The following CSMD1 variants were observed in gnomAD, a reference collection of about 807,000 sequenced individuals.
The protein encoded by CSMD1 is CUB and sushi domain-containing protein 1.
In CSMD1, 213 loss-of-function variants were observed where a neutral mutation model predicts 417.5. That is an observed-to-expected ratio of 0.51 (90% CI 0.46 to 0.57). The LOEUF (loss-of-function observed/expected upper bound fraction) is 0.57. Among genes scored for constraint, CSMD1 ranks in the 20% least tolerant of loss-of-function variants. The probability of loss-of-function intolerance (pLI) is 0.00; values close to 1 mark genes in which losing one functional copy is unlikely to be tolerated. For synonymous variants in CSMD1, 2,862 were observed against 1,736.8 expected, an observed-to-expected ratio of 1.65 and a Z score of -16.11; for missense variants, 6,923 against 4,529.7, an observed-to-expected ratio of 1.53 and a Z score of -15.17.
At chr8:3,505,984 A>C (rs1305744323) in intron 10 of CSMD1, among the ~76,000 whole-genome samples, 1 of 152,220 alleles carries the variant, frequency 6.6e-6, no homozygotes, top group African/African-American at 2.4e-5. Context: ...TGAGTGGATA[A>C]AAATACACGT....
intron 25 of CSMD1, among the ~76,000 whole-genome samples, chr8:3,286,094 G>C (rs965150952): frequency 4.6e-5 from 7 of 152,030 alleles, no homozygotes; most frequent in African/African-American, 1.7e-4. Flanking sequence ...TTTTGTCCTT[G>C]AGATAGTTTG....
At chr8:4,376,702 C>A (rs1563109796) in intron 3 of CSMD1, among the ~76,000 whole-genome samples, 1 of 152,328 alleles carries the variant, frequency 6.6e-6, no homozygotes, top group South Asian at 2.1e-4. Context: ...ATTCTTTAAT[C>A]TTTGCAAACT....
intron 54 of CSMD1, among the ~76,000 whole-genome samples, chr8:2,980,013 C>T (rs1191270421): frequency 6.6e-6 from 1 of 152,130 alleles, no homozygotes; most frequent in Non-Finnish European, 1.5e-5. Flanking sequence ...TGGAAGACAC[C>T]CACATCGTCC....
At chr8:4,968,374 C>T (rs984608670) in intron 1 of CSMD1, among the ~76,000 whole-genome samples, 2 of 151,912 alleles carry the variant, frequency 1.3e-5, no homozygotes, top group Non-Finnish European at 2.9e-5. Context: ...TTTTTCCTTA[C>T]CCCCAACAGA....
chr8:3,989,334 C>A (rs1585088698), intron 5 of CSMD1, among the ~76,000 whole-genome samples: 1 of 152,308 alleles, frequency 6.6e-6, no homozygotes, highest in South Asian at 2.1e-4. Flanking sequence ...CTGAATCAGT[C>A]ATCTTGGCTT....
chr8:4,000,690 T>A (rs977524710), intron 4 of CSMD1, among the ~76,000 whole-genome samples: 1 of 151,954 alleles, frequency 6.6e-6, no homozygotes, highest in Non-Finnish European at 1.5e-5. Context: ...TATAAACATA[T>A]CACACACATT....
At chr8:2,992,485 G>A (rs928611195) in intron 54 of CSMD1, among the ~76,000 whole-genome samples, 22 of 151,760 alleles carry the variant, frequency 1.4e-4, no homozygotes, top group African/African-American at 3.6e-4. Context: ...GTGCAGTGGC[G>A]TGATCTTGGC....
chr8:3,051,042 T>C (rs1235468284), intron 50 of CSMD1, among the ~76,000 whole-genome samples: 2 of 152,204 alleles, frequency 1.3e-5, no homozygotes, highest in East Asian at 3.9e-4. Flanking sequence ...AGTGTGGTGA[T>C]TTCTCAAAGA....
intron 15 of CSMD1, among the ~76,000 whole-genome samples, chr8:3,405,010 C>G (rs1585114317): frequency 6.6e-6 from 1 of 151,998 alleles, no homozygotes; most frequent in Non-Finnish European, 1.5e-5. Flanking sequence ...ACTTATGACT[C>G]AAAGGACAAG....
chr8:4,449,314 A>G (rs1798993714), intron 2 of CSMD1, among the ~76,000 whole-genome samples: 1 of 152,168 alleles, frequency 6.6e-6, no homozygotes, highest in African/African-American at 2.4e-5. Flanking sequence ...AAAAGACTCA[A>G]ATGAGCATCT....
At chr8:3,865,890 T>G (rs1805062628) in intron 5 of CSMD1, among the ~76,000 whole-genome samples, 2 of 152,314 alleles carry the variant, frequency 1.3e-5, no homozygotes, top group African/African-American at 4.8e-5. Context: ...AATAGCAATA[T>G]TTACAAGTAA....
chr8:3,969,302 G>T (rs886593529), intron 5 of CSMD1, among the ~76,000 whole-genome samples: 3 of 152,094 alleles, frequency 2.0e-5, no homozygotes, highest in African/African-American at 7.2e-5. Context: ...AGGCTGGGTG[G>T]AGAAAGGGCT....
In CSMD1 at chr8:4,486,107, A is replaced by T. The variant is rs570805463; in HGVS notation, c.303-66042T>A. The stretch of plus-strand genomic sequence containing the variant: ...TCTCTTTCATCATACATATATATGT[A>T]TGTATATATACATACATATATATAT... On this transcript the variant is annotated intron_variant, in intron 2 of 69. Coordinates refer to ENST00000635120, the MANE Select transcript of CSMD1 (RefSeq NM_033225.6). Among the ~76,000 whole-genome samples the T allele has an allele frequency of 3.5e-5, 5 of 144,400 alleles. No homozygotes were observed. The East Asian group carries it at 1.0e-3, about 29-fold the overall frequency. 94.7% of individuals were successfully genotyped at this position (144,400 alleles called of 152,430 possible). A position where few individuals can be genotyped will look rare whatever the true frequency, so the allele number is the denominator to read the frequency against.
chr8:4,442,445 A>T, intron 2 of CSMD1, among the ~76,000 whole-genome samples: 1 of 152,180 alleles, frequency 6.6e-6, no homozygotes, highest in African/African-American at 2.4e-5. Context: ...CAGTTCTATA[A>T]ATACATCTAC....
intron 68 of CSMD1, among the ~76,000 whole-genome samples, chr8:2,943,377 G>A (rs557868794): frequency 9.3e-4 from 141 of 152,010 alleles, no homozygotes; most frequent in Middle Eastern, 3.4e-3. Flanking sequence ...ACAGGTGCCT[G>A]CCGCCATGCC....
chr8:3,192,458 C>T (rs1320776961), intron 33 of CSMD1, among the ~76,000 whole-genome samples: 2 of 152,096 alleles, frequency 1.3e-5, no homozygotes, highest in Non-Finnish European at 2.9e-5. Context: ...GTGCTTTATC[C>T]TTGTTAAGAT....
chr8:4,074,069 G>T (rs948066550), intron 3 of CSMD1, among the ~76,000 whole-genome samples: 1 of 151,994 alleles, frequency 6.6e-6, no homozygotes, highest in Non-Finnish European at 1.5e-5. Flanking sequence ...ATATTGATAT[G>T]GAATAGACAA....
chr8:3,988,778 G>T (rs1297423076), intron 5 of CSMD1, among the ~76,000 whole-genome samples: 1 of 152,194 alleles, frequency 6.6e-6, no homozygotes, highest in Non-Finnish European at 1.5e-5. Flanking sequence ...GTGAAACAAT[G>T]CTGATTATGG....
chr8:3,703,247 C>G (rs1344258149), intron 7 of CSMD1, among the ~76,000 whole-genome samples: 1 of 152,090 alleles, frequency 6.6e-6, no homozygotes, highest in African/African-American at 2.4e-5. Flanking sequence ...TCGCGCTGCC[C>G]TATGTGGTTA....
Sources: allele counts gnomAD v4.1 joint callset (sites outside exome capture counted in the v4.1 genomes callset), GRCh38; gene constraint gnomAD v4.1.1; transcripts MANE v1.5; gene names NCBI Gene and HGNC (gene_info 2026-07-23, HGNC 2026-07-21).